The following SLC35E2B variants were observed in gnomAD, a reference collection of about 807,000 sequenced individuals.
SLC35E2B encodes solute carrier family 35 member E2B, also known as solute carrier family 35, member E2B.
In SLC35E2B, 18 loss-of-function variants were observed where a neutral mutation model predicts 32.4. The observed-to-expected ratio is 0.56, with a 90% CI of 0.38 to 0.82. The LOEUF is 0.82. Ranked by LOEUF, SLC35E2B falls within the 40% of genes least tolerant of loss-of-function variation. SLC35E2B has a pLI of 0.00. For synonymous variants in SLC35E2B, 132 were observed against 209.1 expected (o/e 0.63, Z 3.18); for missense variants, 263 against 469.5 (o/e 0.56, Z 4.06).
chr1:1,669,220 G>A (rs1400039701), intron 8 of SLC35E2B, among the ~76,000 whole-genome samples: 1 of 151,740 alleles, frequency 6.6e-6, no homozygotes, highest in African/African-American at 2.4e-5. Flanking sequence ...GGGACTCTAG[G>A]GAAGTCTACA....
intron 2 of SLC35E2B, among the ~76,000 whole-genome samples, chr1:1,686,794 C>T (rs182075329): frequency 2.4e-4 from 36 of 151,686 alleles, no homozygotes; most frequent in Non-Finnish European, 4.9e-4. Context: ...CGGAGGCTCA[C>T]GCCTGTAATC....
intron 7 of SLC35E2B, 72 bp downstream of exon 7, chr1:1,670,026 C>A: frequency 7.3e-7 from 1 of 1,363,292 alleles, no homozygotes; most frequent in Non-Finnish European, 1.0e-6. Context: ...GTGGGGTGTT[C>A]TGACTCTTAC....
At chr1:1,688,349 G>A (rs922347352) in intron 2 of SLC35E2B, among the ~76,000 whole-genome samples, 2 of 152,202 alleles carry the variant, frequency 1.3e-5, no homozygotes, top group East Asian at 1.9e-4. Flanking sequence ...GCTCACACCT[G>A]CCATCCCAGC....
chr1:1,670,402 G>A lies in SLC35E2B; in HGVS notation c.708-251C>T, dbSNP rs1570316649. ...CTCCCAAAGTGCTGGGATTACAAGTGTGAGCCACCACGCCCAACAGATTTT... is the reference window on the plus strand; with the variant it reads ...CTCCCAAAGTGCTGGGATTACAAGTATGAGCCACCACGCCCAACAGATTTT... On this transcript the variant is annotated intron_variant, in intron 6 of 9. Transcript: ENST00000617444. 8 of 371,592 alleles carry A rather than the reference G, an allele frequency of 2.2e-5. No homozygotes were observed. In the East Asian group the frequency reaches 4.3e-4, roughly 20 times the overall value. The allele number at this position is 371,592 out of a possible 1,614,324, so 23.0% of individuals were successfully genotyped here.
intron 2 of SLC35E2B, among the ~76,000 whole-genome samples, chr1:1,679,507 C>T (rs571725193): frequency 1.3e-5 from 2 of 152,202 alleles, no homozygotes; most frequent in East Asian, 1.9e-4. Flanking sequence ...ACTTCACTGA[C>T]GCTGCCGTTC....
At chr1:1,674,640 A>G (rs549605888) in intron 5 of SLC35E2B, among the ~76,000 whole-genome samples, 1 of 151,334 alleles carries the variant, frequency 6.6e-6, no homozygotes, top group African/African-American at 2.4e-5. Flanking sequence ...AAACAAAAAA[A>G]AAAAAACAAA....
At chr1:1,669,327 C>G (rs961439080) in intron 8 of SLC35E2B, among the ~76,000 whole-genome samples, 4 of 151,680 alleles carry the variant, frequency 2.6e-5, no homozygotes, top group African/African-American at 4.8e-5. Flanking sequence ...CCATTGCACT[C>G]CAGCCTGGGA....
chr1:1,665,487 G>A lies in SLC35E2B; in HGVS notation c.*295C>T. 1.8e-6 allele frequency: 1 copy of A among 558,116 alleles called. No homozygotes were observed. The highest frequency in any genetic ancestry group is 3.3e-5 in the Admixed American group (1 of 29,990). 34.6% of individuals were successfully genotyped at this position (558,116 alleles called of 1,614,324 possible). A position where few individuals can be genotyped will look rare whatever the true frequency, so the allele number is the denominator to read the frequency against. On this transcript the variant is annotated 3_prime_UTR_variant, in exon 10 of 10. Coordinates refer to ENST00000617444, the MANE Select transcript of SLC35E2B (RefSeq NM_001290264.2). ...GGTGGACCCTGGGGTGTCGCCCAGAGAGGAAGTGGGCACCCCCAGCATGGG... is the reference window on the plus strand; with the variant it reads ...GGTGGACCCTGGGGTGTCGCCCAGAAAGGAAGTGGGCACCCCCAGCATGGG...
In SLC35E2B at chr1:1,665,527, T is replaced by G. The variant is rs200640613; in HGVS notation, c.*255A>C. The G allele has an allele frequency of 1.7e-6, 1 of 595,092 alleles. No homozygotes were observed. Among genetic ancestry groups the G allele is most frequent in the Non-Finnish European group, 2.9e-6 (1 of 346,790 alleles). The allele number at this position is 595,092 out of a possible 1,614,324, so 36.9% of individuals were successfully genotyped here. On this transcript the variant is annotated 3_prime_UTR_variant, in exon 10 of 10. Transcript: ENST00000617444. ...CCCAGCATGGGAGCCTCAGAGGCTGTTTTCACATTACACGGGGATGGGCTC... is the reference window on the plus strand; with the variant it reads ...CCCAGCATGGGAGCCTCAGAGGCTGGTTTCACATTACACGGGGATGGGCTC...
intron 8 of SLC35E2B, among the ~76,000 whole-genome samples, chr1:1,669,061 C>T (rs1387963442): frequency 4.6e-5 from 7 of 151,902 alleles, no homozygotes; most frequent in African/African-American, 1.7e-4. Context: ...GGTATACACG[C>T]ACAAGAACTG....
chr1:1,668,567 G>T (rs912359998), intron 8 of SLC35E2B, 95 bp from the exon 9 acceptor site: 5 of 1,607,572 alleles, frequency 3.1e-6, no homozygotes, highest in Admixed American at 1.7e-5. Flanking sequence ...CCCAGAAACT[G>T]GGTAAAGCTG....
At chr1:1,672,079 A>T (rs1643709323) in intron 5 of SLC35E2B, 1 of 153,392 alleles carries the variant, frequency 6.5e-6, no homozygotes, top group African/African-American at 2.4e-5. Context: ...GGATTTTTAA[A>T]AAATCTATGG....
At chr1:1,678,705 C>G (rs1643874792) in intron 2 of SLC35E2B, among the ~76,000 whole-genome samples, 1 of 152,158 alleles carries the variant, frequency 6.6e-6, no homozygotes, top group African/African-American at 2.4e-5. Flanking sequence ...CAGATCTCCA[C>G]AAAGACACCA....
At position 1,666,000 on chromosome 1, in the gene SLC35E2B, G is replaced by C; in HGVS notation, c.1000C>G (p.His334Asp). 1 of 1,551,372 alleles carries C rather than the reference G, an allele frequency of 6.4e-7. No individual in the cohort carries two copies. The highest frequency in any genetic ancestry group is 8.7e-7 in the Non-Finnish European group (1 of 1,146,884). ...VTFSVASTVK[H>D]ALSIWLSVIV... is the part of the protein sequence containing the mutation. ...ACGCTGAGCCAGATGGACAAGGCAT[G>C]TTTCACGGTGCTGGCGACGCTGCGG... Residue 334 changes from histidine to aspartate, a missense_variant, in exon 10 of 10, where the codon CAT (histidine) becomes GAT (aspartate). His to Asp is a moderately conservative substitution (Grantham distance 81). This residue lies in a region of SLC35E2B where 38 missense variants were observed against 56.9 expected (regional missense o/e 0.67). Transcript: ENST00000617444.
chr1:1,687,246 G>A (rs1353380017), intron 2 of SLC35E2B, among the ~76,000 whole-genome samples: 3 of 152,068 alleles, frequency 2.0e-5, no homozygotes, highest in Non-Finnish European at 2.9e-5. Context: ...TGCACAGCGC[G>A]CTCCCAGCGC....
chr1:1,687,722 G>A (rs1317066285), intron 2 of SLC35E2B, among the ~76,000 whole-genome samples: 1 of 136,278 alleles, frequency 7.3e-6, no homozygotes, highest in Non-Finnish European at 1.6e-5. Context: ...GTGATGGAGG[G>A]AGACTCCATC....
At chr1:1,679,377 C>T (rs995124644) in intron 2 of SLC35E2B, among the ~76,000 whole-genome samples, 1 of 152,106 alleles carries the variant, frequency 6.6e-6, no homozygotes, top group Non-Finnish European at 1.5e-5. Flanking sequence ...GCAATGAGGA[C>T]CCCCATTCCC....
At chr1:1,672,931 CA>C (rs1643736907) in intron 5 of SLC35E2B, 2 of 153,354 alleles carry the variant, frequency 1.3e-5, no homozygotes, top group South Asian at 4.0e-4. Context: ...TTGTTGTCAG[CA>C]AGAGAGTTGG....
chr1:1,677,816 C>T (rs570579004), intron 2 of SLC35E2B, among the ~76,000 whole-genome samples: 10 of 152,096 alleles, frequency 6.6e-5, no homozygotes, highest in African/African-American at 7.2e-5. Flanking sequence ...CACGCTCAGG[C>T]GACTGTGGCT....
Sources: allele counts gnomAD v4.1 joint callset (sites outside exome capture counted in the v4.1 genomes callset), GRCh38; gene constraint gnomAD v4.1.1; regional missense constraint gnomAD v4.1.1; transcripts MANE v1.5; gene names NCBI Gene and HGNC (gene_info 2026-07-23, HGNC 2026-07-21).